KLHDC4: variants seen among roughly 807,000 people sequenced by gnomAD.
KLHDC4 encodes kelch domain containing 4.
A neutral mutation model predicts 62.4 loss-of-function variants in KLHDC4; 90 were observed. The ratio of observed to expected loss-of-function variants is 1.44; its 90% CI spans 1.22 to 1.72. The LOEUF (loss-of-function observed/expected upper bound fraction) is 1.72, where lower values mean the gene tolerates loss of function less well. Among genes scored for constraint, KLHDC4 ranks in the 40% most tolerant of loss-of-function variants. KLHDC4 has a pLI of 0.00. For synonymous variants in KLHDC4, 386 were observed against 284.4 expected, an observed-to-expected ratio of 1.36 and a Z score of -3.59; for missense variants, 1,025 against 699.7, an observed-to-expected ratio of 1.47 and a Z score of -5.25.
intron 5 of KLHDC4, among the ~76,000 whole-genome samples, chr16:87,737,520 G>A (rs867590733): frequency 4.0e-5 from 6 of 151,428 alleles, no homozygotes; most frequent in African/African-American, 9.7e-5. Context: ...CTCAGGAGGC[G>A]GAGGTTGCCG....
intron 3 of KLHDC4, chr16:87,756,191 A>G: frequency 2.3e-6 from 1 of 444,254 alleles, no homozygotes; most frequent in South Asian, 2.9e-5. Context: ...AGTCCCAGGA[A>G]TAGAGACCCC....
At chr16:87,731,308 G>A (rs901502060) in intron 5 of KLHDC4, among the ~76,000 whole-genome samples, 92 of 151,766 alleles carry the variant, frequency 6.1e-4, no homozygotes, top group African/African-American at 2.1e-3. Context: ...CAAACCTCAA[G>A]TGATCTGCCT....
chr16:87,714,011 T>C (rs1404486388), intron 8 of KLHDC4, among the ~76,000 whole-genome samples: 1 of 151,990 alleles, frequency 6.6e-6, no homozygotes, highest in African/African-American at 2.4e-5. Context: ...TGAAGTTCTG[T>C]GCATGAGCAA....
chr16:87,711,852 C>G (rs377599142), intron 8 of KLHDC4, among the ~76,000 whole-genome samples: 3 of 150,576 alleles, frequency 2.0e-5, no homozygotes, highest in Non-Finnish European at 4.4e-5. Flanking sequence ...CACCAGCCCC[C>G]CTTGGGCCTG....
At chr16:87,732,165 G>C (rs111347066) in intron 5 of KLHDC4, among the ~76,000 whole-genome samples, 8 of 148,974 alleles carry the variant, frequency 5.4e-5, no homozygotes, top group Admixed American at 4.1e-4. Flanking sequence ...GTGCAATCTC[G>C]GCTCCCTGCA....
At chr16:87,724,134 G>A (rs928399834) in intron 7 of KLHDC4, among the ~76,000 whole-genome samples, 3 of 152,130 alleles carry the variant, frequency 2.0e-5, no homozygotes, top group Non-Finnish European at 2.9e-5. Context: ...CACTGTGCTC[G>A]GCCTAAAAAG....
chr16:87,765,612 G>C (rs923131318), intron 1 of KLHDC4, among the ~76,000 whole-genome samples, 180 bp downstream of exon 1: 11 of 152,138 alleles, frequency 7.2e-5, no homozygotes, highest in Non-Finnish European at 1.2e-4. Flanking sequence ...AGACTCAGGA[G>C]GGGGCGGGCC....
At chr16:87,737,106 C>CAAAAAAAA (rs55787836) in intron 5 of KLHDC4, among the ~76,000 whole-genome samples, 35 of 64,722 alleles carry the variant, frequency 5.4e-4, no homozygotes, top group Non-Finnish European at 7.0e-4. Flanking sequence ...GCCTGGGCGA[C>CAAAAAAAA]AAAAAAAAAA....
chr16:87,723,501 G>C (rs900147245), intron 7 of KLHDC4, among the ~76,000 whole-genome samples: 2 of 152,264 alleles, frequency 1.3e-5, no homozygotes, highest in African/African-American at 4.8e-5. Context: ...GAAAGCACTA[G>C]ACCGGGGCAT....
intron 5 of KLHDC4, among the ~76,000 whole-genome samples, chr16:87,731,275 G>C (rs1025937651): frequency 6.6e-6 from 1 of 151,582 alleles, no homozygotes; most frequent in Non-Finnish European, 1.5e-5. Context: ...ATGTTGGCCA[G>C]GCTGGTCTCG....
At chr16:87,707,422 C>T (rs1408305885), downstream of KLHDC4, among the ~76,000 whole-genome samples, 1 of 152,186 alleles carries the variant, frequency 6.6e-6, no homozygotes, top group Non-Finnish European at 1.5e-5. Context: ...GCAGGTGGCT[C>T]CCAGGAGTGA....
intron 4 of KLHDC4, among the ~76,000 whole-genome samples, chr16:87,754,244 G>A (rs1458258057): frequency 6.6e-6 from 1 of 152,160 alleles, no homozygotes; most frequent in Non-Finnish European, 1.5e-5. Context: ...TACTCAGGAG[G>A]CTGGGGCAGG....
downstream of KLHDC4, among the ~76,000 whole-genome samples, chr16:87,702,858 T>C (rs867219570): frequency 6.6e-6 from 1 of 152,248 alleles, no homozygotes; most frequent in Non-Finnish European, 1.5e-5. Flanking sequence ...ACTTTTCTTA[T>C]TGATGAAGTG....
intron 7 of KLHDC4, among the ~76,000 whole-genome samples, chr16:87,715,894 C>A (rs926747604): frequency 6.6e-6 from 1 of 152,208 alleles, no homozygotes; most frequent in African/African-American, 2.4e-5. Flanking sequence ...CTCTGTGCCT[C>A]ATGGATACTG....
At chr16:87,755,162 G>A (rs1422069869) in intron 4 of KLHDC4, 32 bp downstream of exon 4, 2 of 1,441,296 alleles carry the variant, frequency 1.4e-6, no homozygotes, top group African/African-American at 2.8e-5. Flanking sequence ...GTGGGAAGAG[G>A]GAGGGTGGCT....
chr16:87,748,131 G>C (rs2043315300), intron 5 of KLHDC4, among the ~76,000 whole-genome samples: 1 of 152,180 alleles, frequency 6.6e-6, no homozygotes, highest in Non-Finnish European at 1.5e-5. Context: ...TGACTAATGG[G>C]AGACACCCGT....
chr16:87,706,790 G>A (rs140223163), downstream of KLHDC4, among the ~76,000 whole-genome samples: 8 of 152,282 alleles, frequency 5.3e-5, no homozygotes, highest in African/African-American at 7.2e-5. Flanking sequence ...CCTGAGAGGC[G>A]ACACTTCTCA....
intron 7 of KLHDC4, among the ~76,000 whole-genome samples, chr16:87,716,171 G>A (rs2036930482): frequency 6.7e-6 from 1 of 150,282 alleles, no homozygotes; most frequent in Non-Finnish European, 1.5e-5. Context: ...ATGTCTCGTG[G>A]ATATTGACGT....
chr16:87,705,887 G>C (rs1463154974), downstream of KLHDC4, among the ~76,000 whole-genome samples: 1 of 152,242 alleles, frequency 6.6e-6, no homozygotes, highest in African/African-American at 2.4e-5. Context: ...TGTGAGGAAA[G>C]GACCTTGATT....
Sources: allele counts gnomAD v4.1 joint callset (sites outside exome capture counted in the v4.1 genomes callset), GRCh38; gene constraint gnomAD v4.1.1; transcripts MANE v1.5; gene names NCBI Gene and HGNC (gene_info 2026-07-23, HGNC 2026-07-21).